FHIT: variants seen among roughly 807,000 people sequenced by gnomAD.
The protein encoded by FHIT is fragile histidine triad diadenosine triphosphatase, also known as bis(5'-adenosyl)-triphosphatase.
FHIT carries 19 observed loss-of-function variants against 17.9 expected under a neutral mutation model. That is an observed-to-expected ratio of 1.06 (90% CI 0.74 to 1.56). The LOEUF is 1.56. Among genes scored for constraint, FHIT ranks in the 40% most tolerant of loss-of-function variants. The pLI is 0.00. For synonymous variants in FHIT, 81 were observed against 69.7 expected, an observed-to-expected ratio of 1.16 and a Z score of -0.81; for missense variants, 248 against 189.2, an observed-to-expected ratio of 1.31 and a Z score of -1.82.
At chr3:60,281,651 C>A (rs924451391) in intron 5 of FHIT, among the ~76,000 whole-genome samples, 4 of 147,010 alleles carry the variant, frequency 2.7e-5, no homozygotes, top group East Asian at 2.0e-4. Flanking sequence ...TACACACAGA[C>A]CTTACACCTT....
chr3:61,028,297 G>C (rs1273272710), intron 3 of FHIT, among the ~76,000 whole-genome samples: 2 of 152,168 alleles, frequency 1.3e-5, no homozygotes, highest in African/African-American at 2.4e-5. Flanking sequence ...AAAGAAGTAA[G>C]ATATGGCTCC....
chr3:60,231,897 T>G (rs1432078318), intron 5 of FHIT, among the ~76,000 whole-genome samples: 1 of 152,154 alleles, frequency 6.6e-6, no homozygotes, highest in African/African-American at 2.4e-5. Flanking sequence ...TGGACCTGAT[T>G]TAATCAACTG....
intron 5 of FHIT, among the ~76,000 whole-genome samples, chr3:60,238,161 A>AT (rs397964429): frequency 1.3e-5 from 2 of 151,010 alleles, no homozygotes; most frequent in Non-Finnish European, 3.0e-5. Flanking sequence ...AAAAAAAAAA[A>AT]GAATTTGTGT....
chr3:60,619,476 C>G (rs2039052064), intron 4 of FHIT, among the ~76,000 whole-genome samples: 1 of 151,576 alleles, frequency 6.6e-6, no homozygotes, highest in East Asian at 1.9e-4. Context: ...AGAGTTAGAA[C>G]AAAGCTATAG....
At chr3:60,124,105 T>G (rs1207723106) in intron 5 of FHIT, among the ~76,000 whole-genome samples, 1 of 135,838 alleles carries the variant, frequency 7.4e-6, no homozygotes, top group African/African-American at 2.8e-5. Flanking sequence ...CAGACTGGAG[T>G]GCAGTGGCAT....
chr3:60,672,271 T>C (rs2040524197), intron 4 of FHIT, among the ~76,000 whole-genome samples: 1 of 151,952 alleles, frequency 6.6e-6, no homozygotes, highest in Non-Finnish European at 1.5e-5. Context: ...TTATTTCACC[T>C]GGGTGCAGGC....
intron 5 of FHIT, among the ~76,000 whole-genome samples, chr3:60,282,402 T>G (rs889369391): frequency 1.3e-5 from 2 of 152,116 alleles, no homozygotes; most frequent in African/African-American, 4.8e-5. Flanking sequence ...GGGAAAACTA[T>G]AGAGGCAATA....
chr3:60,482,714 C>T (rs960138976), intron 5 of FHIT, among the ~76,000 whole-genome samples: 1 of 151,980 alleles, frequency 6.6e-6, no homozygotes, highest in African/African-American at 2.4e-5. Flanking sequence ...TAAATGCTCA[C>T]ATCAGAAAGC....
chr3:60,681,653 A>G (rs2040750365), intron 4 of FHIT, among the ~76,000 whole-genome samples: 1 of 152,210 alleles, frequency 6.6e-6, no homozygotes, highest in African/African-American at 2.4e-5. Context: ...AATGATAAGA[A>G]AGTGAAACAG....
At chr3:61,133,667 G>C (rs909507050) in intron 2 of FHIT, among the ~76,000 whole-genome samples, 3 of 152,066 alleles carry the variant, frequency 2.0e-5, no homozygotes, top group African/African-American at 7.2e-5. Flanking sequence ...GAAGAAAAGA[G>C]GCTCAAAGAT....
intron 5 of FHIT, among the ~76,000 whole-genome samples, chr3:60,269,947 A>T (rs1339885996): frequency 1.3e-5 from 2 of 152,160 alleles, no homozygotes; most frequent in African/African-American, 4.8e-5. Flanking sequence ...TGGTTAGAAG[A>T]TTCTTTTAAG....
chr3:61,155,820 C>CT (rs1360057675), intron 2 of FHIT, among the ~76,000 whole-genome samples: 1 of 152,202 alleles, frequency 6.6e-6, no homozygotes, highest in Non-Finnish European at 1.5e-5. Flanking sequence ...GCAAAGTTGA[C>CT]TCTTGGCTGG....
At chr3:60,330,418 G>A (rs1428442879) in intron 5 of FHIT, among the ~76,000 whole-genome samples, 1 of 152,074 alleles carries the variant, frequency 6.6e-6, no homozygotes. Context: ...TACTGCCACC[G>A]GTGGAGACAA....
At chr3:60,245,979 A>G (rs1015010423) in intron 5 of FHIT, among the ~76,000 whole-genome samples, 2 of 152,116 alleles carry the variant, frequency 1.3e-5, no homozygotes, top group East Asian at 3.8e-4. Context: ...AGATATAAAA[A>G]AAATTTTCTT....
chr3:60,640,308 TAA>T (rs1452115051), intron 4 of FHIT, among the ~76,000 whole-genome samples: 1 of 151,984 alleles, frequency 6.6e-6, no homozygotes, highest in African/African-American at 2.4e-5. Flanking sequence ...TTTTTTTTCC[TAA>T]AAGACAGTTG....
chr3:61,011,040 G>T (rs941566885), intron 3 of FHIT, among the ~76,000 whole-genome samples: 2 of 152,098 alleles, frequency 1.3e-5, no homozygotes, highest in African/African-American at 4.8e-5. Flanking sequence ...GGTAAACTTC[G>T]AATGTTTCCT....
At chr3:59,899,224 G>T (rs1704212972) in intron 8 of FHIT, among the ~76,000 whole-genome samples, 1 of 152,178 alleles carries the variant, frequency 6.6e-6, no homozygotes, top group Admixed American at 6.5e-5. Context: ...GTCACATGCG[G>T]GCACATGAGA....
At chr3:60,693,470 G>C (rs1297439643) in intron 4 of FHIT, among the ~76,000 whole-genome samples, 1 of 152,144 alleles carries the variant, frequency 6.6e-6, no homozygotes, top group African/African-American at 2.4e-5. Context: ...TGACCAAGTA[G>C]ATATTTCTCT....
chr3:61,172,493 A>G (rs1282746283), intron 2 of FHIT, among the ~76,000 whole-genome samples: 1 of 152,216 alleles, frequency 6.6e-6, no homozygotes, highest in African/African-American at 2.4e-5. Context: ...ACAGAAATGG[A>G]AGGAGACTGA....
Sources: gnomAD v4.1 joint callset for allele counts (sites outside exome capture counted in the v4.1 genomes callset) on GRCh38, gnomAD v4.1.1 for gene constraint, MANE v1.5 for transcripts, NCBI Gene and HGNC (gene_info 2026-07-23, HGNC 2026-07-21) for gene names.